The following PPFIA2 variants were observed in gnomAD, a reference collection of about 807,000 sequenced individuals.
PPFIA2 encodes liprin-alpha-2.
In PPFIA2, 46 loss-of-function variants were observed where a neutral mutation model predicts 175.5. The observed-to-expected ratio is 0.26, with a 90% CI of 0.21 to 0.34. PPFIA2 has a LOEUF of 0.34. Ranked by LOEUF, PPFIA2 falls within the 10% of genes least tolerant of loss-of-function variation. PPFIA2 has a pLI of 1.00. For missense variants in PPFIA2, 1,179 were observed against 1,506.1 expected (o/e 0.78, Z 3.60); for synonymous variants, 568 against 511.4 (o/e 1.11, Z -1.49).
At chr12:81,716,517 C>G (rs1477071698) in intron 3 of PPFIA2, among the ~76,000 whole-genome samples, 1 of 151,106 alleles carries the variant, frequency 6.6e-6, no homozygotes, top group East Asian at 2.0e-4. Flanking sequence ...CCCAGAAGTT[C>G]TTCAACTAGA....
chr12:81,644,337 G>A (rs1038860357), intron 4 of PPFIA2, among the ~76,000 whole-genome samples: 1 of 151,878 alleles, frequency 6.6e-6, no homozygotes, highest in Admixed American at 6.6e-5. Flanking sequence ...ATGTAAGTTG[G>A]TGAACACACT....
chr12:81,449,563 C>G (rs1484363745), intron 5 of PPFIA2, among the ~76,000 whole-genome samples: 1 of 151,326 alleles, frequency 6.6e-6, no homozygotes, highest in African/African-American at 2.4e-5. Flanking sequence ...TCCCAGGGAC[C>G]CCGGATTTTA....
chr12:81,595,425 A>C (rs927796998), intron 4 of PPFIA2, among the ~76,000 whole-genome samples: 2 of 152,100 alleles, frequency 1.3e-5, no homozygotes, highest in Non-Finnish European at 2.9e-5. Flanking sequence ...TAGAAACTAC[A>C]TTCTAGAACT....
chr12:81,411,732 G>A (rs1487941246), intron 7 of PPFIA2, among the ~76,000 whole-genome samples: 1 of 152,012 alleles, frequency 6.6e-6, no homozygotes, highest in Non-Finnish European at 1.5e-5. Flanking sequence ...CATACCAGGC[G>A]TTAGGGAAAC....
intron 4 of PPFIA2, among the ~76,000 whole-genome samples, chr12:81,632,894 G>T (rs1259558601): frequency 6.6e-6 from 1 of 151,892 alleles, no homozygotes; most frequent in African/African-American, 2.4e-5. Context: ...CTGGCATTCT[G>T]ATAGGGCTCT....
At chr12:81,462,173 T>C (rs1384054486) in intron 4 of PPFIA2, among the ~76,000 whole-genome samples, 1 of 150,316 alleles carries the variant, frequency 6.7e-6, no homozygotes, top group Non-Finnish European at 1.5e-5. Flanking sequence ...TCTTTTTTAC[T>C]TTGTAGCTGT....
intron 20 of PPFIA2, among the ~76,000 whole-genome samples, chr12:81,340,130 C>T (rs2057803457): frequency 1.3e-5 from 2 of 152,038 alleles, no homozygotes; most frequent in Admixed American, 1.3e-4. Context: ...ATTCCCTAAC[C>T]TTCAAGCAAT....
chr12:81,330,003 G>A (rs1383028899), intron 21 of PPFIA2, among the ~76,000 whole-genome samples: 1 of 152,162 alleles, frequency 6.6e-6, no homozygotes, highest in Non-Finnish European at 1.5e-5. Context: ...CAGGGCTCAG[G>A]GCACAGGAAG....
intron 4 of PPFIA2, among the ~76,000 whole-genome samples, chr12:81,491,770 C>T (rs558242196): frequency 5.1e-4 from 78 of 152,004 alleles, no homozygotes; most frequent in Non-Finnish European, 1.1e-3. Flanking sequence ...CCTAAATTGT[C>T]GAAGACAGCA....
intron 3 of PPFIA2, among the ~76,000 whole-genome samples, chr12:81,692,686 G>A (rs2075394779): frequency 6.6e-6 from 1 of 151,982 alleles, no homozygotes; most frequent in Non-Finnish European, 1.5e-5. Context: ...AATAATAAAT[G>A]ATCATTCAAT....
chr12:81,701,216 C>T (rs1413061513), intron 3 of PPFIA2, among the ~76,000 whole-genome samples: 2 of 152,176 alleles, frequency 1.3e-5, no homozygotes, highest in African/African-American at 2.4e-5. Flanking sequence ...TGAAATGTTA[C>T]AGTGCTTGAC....
At chr12:81,337,117 T>C (rs377510052) in intron 21 of PPFIA2, among the ~76,000 whole-genome samples, 1 of 152,152 alleles carries the variant, frequency 6.6e-6, no homozygotes, top group South Asian at 2.1e-4. Flanking sequence ...TTTAGACCTA[T>C]GTTTTATTTT....
intron 4 of PPFIA2, among the ~76,000 whole-genome samples, chr12:81,510,896 G>C (rs748637227): frequency 1.3e-5 from 2 of 152,056 alleles, no homozygotes; most frequent in Non-Finnish European, 2.9e-5. Flanking sequence ...CTCAGAATCA[G>C]CCAGGGAGGC....
chr12:81,685,735 G>A (rs1186107761), intron 3 of PPFIA2, among the ~76,000 whole-genome samples: 1 of 152,028 alleles, frequency 6.6e-6, no homozygotes, highest in Admixed American at 6.6e-5. Context: ...GGGTTGTGGT[G>A]TTAAATTTTA....
intron 8 of PPFIA2, among the ~76,000 whole-genome samples, chr12:81,396,931 G>T (rs1324198305): frequency 6.6e-6 from 1 of 151,978 alleles, no homozygotes; most frequent in Non-Finnish European, 1.5e-5. Flanking sequence ...TGGGAGGTGT[G>T]AGACATAGGG....
intron 4 of PPFIA2, among the ~76,000 whole-genome samples, chr12:81,570,873 A>G (rs1321532440): frequency 6.6e-6 from 1 of 151,948 alleles, no homozygotes; most frequent in Non-Finnish European, 1.5e-5. Flanking sequence ...AACTAACTGA[A>G]GATATGATCT....
At chr12:81,355,050 A>G (rs1043651412) in intron 16 of PPFIA2, among the ~76,000 whole-genome samples, 3 of 152,146 alleles carry the variant, frequency 2.0e-5, no homozygotes, top group Non-Finnish European at 4.4e-5. Context: ...CCAATCCATC[A>G]GAGGAGTCAC....
chr12:81,312,027 C>G (rs190985792), intron 22 of PPFIA2: 19 of 777,146 alleles, frequency 2.4e-5, no homozygotes, highest in Admixed American at 1.1e-4. Flanking sequence ...AATAAATATG[C>G]TTCATGATTT....
chr12:81,711,030 A>C (rs2077832748), intron 3 of PPFIA2, among the ~76,000 whole-genome samples: 1 of 151,240 alleles, frequency 6.6e-6, no homozygotes, highest in Non-Finnish European at 1.5e-5. Context: ...CAGGAGTTCA[A>C]GACCAGCTTG....
Sources: gnomAD v4.1 joint callset for allele counts (sites outside exome capture counted in the v4.1 genomes callset) on GRCh38, gnomAD v4.1.1 for gene constraint, MANE v1.5 for transcripts, NCBI Gene and HGNC (gene_info 2026-07-23, HGNC 2026-07-21) for gene names.